Variants in SUMF1 observed in about 807,000 individuals in gnomAD.
SUMF1 encodes the protein formylglycine-generating enzyme.
Under a neutral mutation model 47.6 loss-of-function variants are expected in SUMF1, and 48 were observed. That is an observed-to-expected ratio of 1.01 (90% CI 0.80 to 1.28). SUMF1 has a LOEUF of 1.28. Among genes scored for constraint, SUMF1 ranks in the 50% most tolerant of loss-of-function variants. SUMF1 has a pLI of 0.00. For missense variants in SUMF1, 571 were observed against 485.4 expected, an observed-to-expected ratio of 1.18 and a Z score of -1.66; for synonymous variants, 230 against 192.1, an observed-to-expected ratio of 1.20 and a Z score of -1.63.
chr3:4,175,244 A>AC (rs976616075), intron 8 of SUMF1, among the ~76,000 whole-genome samples: 1 of 151,732 alleles, frequency 6.6e-6, no homozygotes, highest in African/African-American at 2.4e-5. Flanking sequence ...TGGGCCCCTG[A>AC]CCCCCGTGTA....
chr3:4,428,822 C>G (rs142145776), intron 3 of SUMF1, among the ~76,000 whole-genome samples: 1 of 152,128 alleles, frequency 6.6e-6, no homozygotes, highest in Admixed American at 6.5e-5. Flanking sequence ...ATTCATCATT[C>G]CATTACAAAT....
intron 3 of SUMF1, among the ~76,000 whole-genome samples, chr3:4,433,493 A>C (rs992128190): frequency 2.0e-5 from 3 of 152,198 alleles, no homozygotes; most frequent in Non-Finnish European, 4.4e-5. Flanking sequence ...TTTCAAAAAA[A>C]GACACAAAAG....
chr3:4,196,390 G>A (rs532517945), intron 8 of SUMF1, among the ~76,000 whole-genome samples: 2 of 152,086 alleles, frequency 1.3e-5, no homozygotes, highest in Non-Finnish European at 2.9e-5. Context: ...AGGCTTCATG[G>A]GGGGAAGCTT....
intron 8 of SUMF1, among the ~76,000 whole-genome samples, chr3:4,211,216 ATATATATATATC>A (rs1695785969): frequency 7.3e-6 from 1 of 137,778 alleles, no homozygotes; most frequent in African/African-American, 2.7e-5. Flanking sequence ...ATATATATAT[ATATATATATATC>A]CTATTAGTTC....
At chr3:4,359,663 G>C (rs970449347), downstream of SUMF1, among the ~76,000 whole-genome samples, 1 of 152,242 alleles carries the variant, frequency 6.6e-6, no homozygotes, top group South Asian at 2.1e-4. Context: ...AGCAATGGGG[G>C]AAAAGCCCCT....
intron 8 of SUMF1, among the ~76,000 whole-genome samples, chr3:4,260,135 G>T (rs1376531739): frequency 6.6e-6 from 1 of 152,048 alleles, no homozygotes; most frequent in African/African-American, 2.4e-5. Context: ...AGATCATCAG[G>T]GTGAAAATCA....
intron 8 of SUMF1, among the ~76,000 whole-genome samples, chr3:4,351,333 G>A (rs73020214): frequency 0.025 from 3,849 of 152,226 alleles, 74 homozygotes; most frequent in Middle Eastern, 0.037. Flanking sequence ...ACCCATTTTT[G>A]AGCCCAGCCA....
chr3:4,442,654 AG>A, intron 3 of SUMF1, among the ~76,000 whole-genome samples: 2 of 34,566 alleles, frequency 5.8e-5, no homozygotes, highest in Non-Finnish European at 3.7e-4. Flanking sequence ...AAAAAAAAAG[AG>A]AGAGAAAAAG....
intron 8 of SUMF1, among the ~76,000 whole-genome samples, chr3:4,334,798 C>G (rs1368579581): frequency 6.6e-6 from 1 of 152,206 alleles, no homozygotes; most frequent in African/African-American, 2.4e-5. Context: ...GAAACGAACT[C>G]AAGCCCTGAT....
At chr3:4,326,493 AACAATGT>A (rs1698947289) in intron 8 of SUMF1, among the ~76,000 whole-genome samples, 1 of 150,120 alleles carries the variant, frequency 6.7e-6, no homozygotes, top group Non-Finnish European at 1.5e-5. Context: ...GAATTTCATA[AACAATGT>A]ACAAGGCCAG....
At chr3:4,226,260 G>GT (rs1559587286) in intron 8 of SUMF1, among the ~76,000 whole-genome samples, 4 of 110,706 alleles carry the variant, frequency 3.6e-5, no homozygotes, top group African/African-American at 6.9e-5. Flanking sequence ...TTTTTTTTTT[G>GT]TTTCTTTTTT....
At chr3:4,200,172 A>C (rs1277759020) in intron 8 of SUMF1, among the ~76,000 whole-genome samples, 1 of 142,278 alleles carries the variant, frequency 7.0e-6, no homozygotes, top group Non-Finnish European at 1.5e-5. Context: ...GTAAGCATCA[A>C]GATTTTTTTT....
chr3:4,273,466 C>T (rs1055597781), intron 8 of SUMF1, among the ~76,000 whole-genome samples: 3 of 151,806 alleles, frequency 2.0e-5, no homozygotes, highest in African/African-American at 7.3e-5. Context: ...AGAAAAATAT[C>T]TATAGAAACA....
chr3:4,280,982 A>G (rs1358736180), intron 8 of SUMF1, among the ~76,000 whole-genome samples: 1 of 152,070 alleles, frequency 6.6e-6, no homozygotes, highest in African/African-American at 2.4e-5. Context: ...TTTCCAAATA[A>G]GGTCACATTC....
At chr3:4,436,473 G>C (rs1417081776) in intron 3 of SUMF1, among the ~76,000 whole-genome samples, 1 of 152,060 alleles carries the variant, frequency 6.6e-6, no homozygotes, top group Non-Finnish European at 1.5e-5. Context: ...GAGGTTAAGA[G>C]ACATTGGAAG....
At chr3:4,074,848 A>G (rs2125039955) in intron 8 of SUMF1, among the ~76,000 whole-genome samples, 1 of 152,198 alleles carries the variant, frequency 6.6e-6, no homozygotes, top group Non-Finnish European at 1.5e-5. Context: ...TGAGGCAATA[A>G]TTAATATCCT....
intron 8 of SUMF1, among the ~76,000 whole-genome samples, chr3:4,375,566 T>C (rs1700301806): frequency 6.6e-6 from 1 of 152,140 alleles, no homozygotes; most frequent in Non-Finnish European, 1.5e-5. Context: ...GTAACTTAAT[T>C]TGGAGCCATT....
intron 8 of SUMF1, among the ~76,000 whole-genome samples, chr3:4,252,943 T>C (rs1277685384): frequency 2.0e-5 from 3 of 152,198 alleles, no homozygotes; most frequent in Non-Finnish European, 4.4e-5. Context: ...CACTAACTCA[T>C]TACTCTCATC....
At chr3:4,352,686 C>A (rs1477934366) in intron 8 of SUMF1, among the ~76,000 whole-genome samples, 2 of 138,040 alleles carry the variant, frequency 1.4e-5, no homozygotes, top group East Asian at 4.3e-4. Flanking sequence ...GTAGTCCATG[C>A]ATAGAATTAT....
Sources: gnomAD v4.1 joint callset for allele counts (sites outside exome capture counted in the v4.1 genomes callset) on GRCh38, gnomAD v4.1.1 for gene constraint, MANE v1.5 for transcripts, NCBI Gene and HGNC (gene_info 2026-07-23, HGNC 2026-07-21) for gene names.